Variants in PTPRN2 observed in about 807,000 individuals in gnomAD.
The protein encoded by PTPRN2 is protein tyrosine phosphatase receptor type N2.
In PTPRN2, 74 loss-of-function variants were observed where a neutral mutation model predicts 118.8. The observed-to-expected ratio is 0.62, with a 90% CI of 0.52 to 0.76. The LOEUF is 0.76. Ranked by LOEUF, PTPRN2 falls within the 30% of genes least tolerant of loss-of-function variation. The probability of loss-of-function intolerance (pLI) is 0.00; values close to 1 mark genes in which losing one functional copy is unlikely to be tolerated. For missense variants in PTPRN2, 1,481 were observed against 1,394.4 expected, an observed-to-expected ratio of 1.06 and a Z score of -0.99; for synonymous variants, 641 against 608.0, an observed-to-expected ratio of 1.05 and a Z score of -0.80.
intron 2 of PTPRN2, among the ~76,000 whole-genome samples, chr7:158,386,325 G>A (rs1230186545): frequency 5.6e-4 from 48 of 86,140 alleles, no homozygotes; most frequent in Non-Finnish European, 8.5e-4. Context: ...CTCCCGTGCC[G>A]AGTCCCTCCT....
In PTPRN2 at chr7:158,015,545, C is replaced by G. The variant is rs1201863888; in HGVS notation, c.1723+65753G>C. ...AAGACAGAAAGGTCCTCACCGCCCC[C>G]GCCCCTCACCCCTGTATGTGCATCT... On this transcript the variant is annotated intron_variant, in intron 11 of 22. Transcript: ENST00000389418. The surrounding 1 kb of genome is among the most constrained non-coding windows in gnomAD (Gnocchi z 4.2). Among the ~76,000 whole-genome samples the G allele has an allele frequency of 6.6e-6, 1 of 151,974 alleles. No individual in the cohort carries two copies. The highest frequency in any genetic ancestry group is 2.1e-4 in the South Asian group (1 of 4,814).
intron 2 of PTPRN2, among the ~76,000 whole-genome samples, chr7:158,415,388 C>A (rs1314869092): frequency 6.6e-6 from 1 of 152,176 alleles, no homozygotes; most frequent in African/African-American, 2.4e-5. Context: ...CCAGGCCCTA[C>A]CCACCATCCT....
At chr7:157,752,530 G>A (rs1346355891) in intron 12 of PTPRN2, among the ~76,000 whole-genome samples, 3 of 152,098 alleles carry the variant, frequency 2.0e-5, no homozygotes, top group Non-Finnish European at 2.9e-5. Flanking sequence ...GGGTCAACGC[G>A]CACTCTCTCT....
Position 158,128,082 on chromosome 7 carries a change from T to A in PTPRN2, c.1556+5595A>T, listed in dbSNP as rs1039975064. 7.2e-4 allele frequency among the ~76,000 whole-genome samples: 110 copies of A among 152,260 alleles called. 1 individual carries two copies. The highest frequency in any genetic ancestry group is 3.4e-3 in the Middle Eastern group (1 of 294). On this transcript the variant is annotated intron_variant, in intron 9 of 22. Coordinates refer to ENST00000389418, the MANE Select transcript of PTPRN2 (RefSeq NM_002847.5). ...AGGTGACACCGAGTTCTAAACCACATTCCTCTCCTTTCTGTGGGACAACCA... is the reference window on the plus strand; with the variant it reads ...AGGTGACACCGAGTTCTAAACCACAATCCTCTCCTTTCTGTGGGACAACCA...
In PTPRN2 at chr7:157,611,598, G is replaced by A. The variant is rs1207103837; in HGVS notation, c.2345-7523C>T. Among the ~76,000 whole-genome samples the A allele has an allele frequency of 6.6e-6, 1 of 152,190 alleles. No homozygotes were observed. Among genetic ancestry groups the A allele is most frequent in the Non-Finnish European group, 1.5e-5 (1 of 68,040 alleles). On this transcript the variant is annotated intron_variant, in intron 15 of 22. Transcript: ENST00000389418. The surrounding 1 kb of genome is among the most constrained non-coding windows in gnomAD (Gnocchi z 5.9). The stretch of plus-strand genomic sequence containing the variant: ...ATTTGGAAATAGGGTCTTTACAGAG[G>A]TAAGCGAGCGGAGGGCATTTGGGCG...
chr7:158,081,353 G>T lies in PTPRN2; in HGVS notation c.1668C>A (p.Phe556Leu). The T allele has an allele frequency of 6.2e-7, 1 of 1,614,188 alleles. No individual in the cohort carries two copies. Among genetic ancestry groups the T allele is most frequent in the Non-Finnish European group, 8.5e-7 (1 of 1,180,038 alleles). ...CGTTTTGGACATTGGCGCTCACTTT[G>T]AAGGTCACTGCTGGTCCGAGAACCC... Reference protein sequence around the residue: ...DVEVLGPAVTFKVSANVQNVT... With the variant: ...DVEVLGPAVTLKVSANVQNVT... The change falls in exon 11 of 23, where the codon TTC becomes TTA. Residue 556 changes from phenylalanine to leucine, a missense_variant. By Grantham distance (22) the Phe-to-Leu change is conservative. Coordinates refer to ENST00000389418, the MANE Select transcript of PTPRN2 (RefSeq NM_002847.5).
chr7:158,573,942 C>T (rs1325894965), intron 1 of PTPRN2, among the ~76,000 whole-genome samples: 4 of 152,116 alleles, frequency 2.6e-5, no homozygotes, highest in African/African-American at 9.7e-5. Context: ...TTTAACTATA[C>T]GTAATCCAGA....
intron 1 of PTPRN2, among the ~76,000 whole-genome samples, chr7:158,527,303 C>CCG (rs1159470774): frequency 1.3e-5 from 2 of 152,194 alleles, no homozygotes; most frequent in African/African-American, 4.8e-5. Flanking sequence ...CGGCCATGCC[C>CCG]CCCGCCACCG....
chr7:157,900,686 A>C (rs6963993), intron 11 of PTPRN2, among the ~76,000 whole-genome samples: 112,375 of 152,112 alleles, frequency 0.74, 41,670 homozygotes, highest in East Asian at 0.81. Context: ...TCCTCCCAGG[A>C]AGCTCAGGCC....
intron 2 of PTPRN2, among the ~76,000 whole-genome samples, chr7:158,485,888 T>G (rs1820982104): frequency 6.6e-6 from 1 of 152,222 alleles, no homozygotes; most frequent in Non-Finnish European, 1.5e-5. Flanking sequence ...GATGCTCAGT[T>G]TTGGATCCTG....
chr7:158,485,832 G>A (rs550122557), intron 2 of PTPRN2, among the ~76,000 whole-genome samples: 1 of 152,280 alleles, frequency 6.6e-6, no homozygotes, highest in Admixed American at 6.5e-5. Flanking sequence ...GTATTTCTTT[G>A]AGCTTTTTCT....
chr7:158,056,824 G>C (rs1171534279), intron 11 of PTPRN2, among the ~76,000 whole-genome samples: 2 of 152,198 alleles, frequency 1.3e-5, no homozygotes, highest in African/African-American at 4.8e-5. Context: ...TGCACATTAA[G>C]TCCCACGCAT....
At chr7:157,781,037 G>A (rs992797857) in intron 12 of PTPRN2, among the ~76,000 whole-genome samples, 1 of 152,044 alleles carries the variant, frequency 6.6e-6, no homozygotes, top group Non-Finnish European at 1.5e-5. Flanking sequence ...TCACACCCAC[G>A]TCACCCACAT....
chr7:158,423,841 G>C (rs1383609140), intron 2 of PTPRN2, among the ~76,000 whole-genome samples: 4 of 151,992 alleles, frequency 2.6e-5, no homozygotes, highest in African/African-American at 9.7e-5. Flanking sequence ...AAGAGAAACT[G>C]GGACATTACA....
At chr7:158,309,972 G>A (rs1044513437) in intron 3 of PTPRN2, among the ~76,000 whole-genome samples, 1 of 152,178 alleles carries the variant, frequency 6.6e-6, no homozygotes, top group African/African-American at 2.4e-5. Flanking sequence ...TGCCCCGTCT[G>A]CCACATGAGG....
At chr7:158,489,211 C>T (rs1381628201) in intron 2 of PTPRN2, among the ~76,000 whole-genome samples, 2 of 152,102 alleles carry the variant, frequency 1.3e-5, no homozygotes, top group African/African-American at 2.4e-5. Flanking sequence ...TTTGGGAGGC[C>T]GAGGCGGGTG....
intron 3 of PTPRN2, among the ~76,000 whole-genome samples, chr7:158,249,288 CAT>C (rs1796499156): frequency 6.6e-6 from 1 of 150,412 alleles, no homozygotes; most frequent in Non-Finnish European, 1.5e-5. Context: ...ACCATACACA[CAT>C]GCATACATAT....
At position 157,671,990 on chromosome 7, in the gene PTPRN2, C is replaced by T. The variant is rs868500972; in HGVS notation, c.2001+10735G>A. 1.8e-4 allele frequency among the ~76,000 whole-genome samples: 27 copies of T among 152,028 alleles called. No individual in the cohort carries two copies. The highest frequency in any genetic ancestry group is 3.4e-4 in the Non-Finnish European group (23 of 68,012). The stretch of plus-strand genomic sequence containing the variant: ...GCAGCCCTGGAGGAAAACCCGTGAG[C>T]GAGTCGTGGAGGGAGTGTGAGGGTT... On this transcript the variant is annotated intron_variant, in intron 13 of 22. Transcript: ENST00000389418. This position sits in a 1 kb window ranked among gnomAD's most constrained non-coding sequence, Gnocchi z 4.1.
chr7:157,807,118 C>T (rs1000003871), intron 12 of PTPRN2, among the ~76,000 whole-genome samples: 1 of 152,224 alleles, frequency 6.6e-6, no homozygotes, highest in Non-Finnish European at 1.5e-5. Context: ...AAATGGGGCC[C>T]TTCCGATGTA....
Sources: allele counts gnomAD v4.1 joint callset (sites outside exome capture counted in the v4.1 genomes callset), GRCh38; gene constraint gnomAD v4.1.1; non-coding constraint Gnocchi (gnomAD v3.1); transcripts MANE v1.5; gene names NCBI Gene and HGNC (gene_info 2026-07-23, HGNC 2026-07-21).